PRKCE: variants seen among roughly 807,000 people sequenced by gnomAD.
The protein encoded by PRKCE is protein kinase C epsilon.
In PRKCE, 16 loss-of-function variants were observed where a neutral mutation model predicts 85.4. The observed-to-expected ratio is 0.19, with a 90% CI of 0.13 to 0.28. PRKCE has a LOEUF of 0.28. PRKCE is among the 10% of genes least tolerant of loss of function. PRKCE has a pLI of 1.00. For synonymous variants in PRKCE, 388 were observed against 371.5 expected (o/e 1.04, Z -0.51); for missense variants, 573 against 975.2 (o/e 0.59, Z 5.49).
At position 45,786,677 on chromosome 2, in the gene PRKCE, T is replaced by C. The variant is rs898103173; in HGVS notation, c.349-56323T>C. On this transcript the variant is annotated intron_variant, in intron 1 of 14. Coordinates refer to ENST00000306156, the MANE Select transcript of PRKCE (RefSeq NM_005400.3). This position sits in a 1 kb window ranked among gnomAD's most constrained non-coding sequence, Gnocchi z 5.3. ...GTGAGGGGGCAAGGGTTTAAGTTTATTATCAAGGAACAGCAGCAAACCTTA... is the reference window on the plus strand; with the variant it reads ...GTGAGGGGGCAAGGGTTTAAGTTTACTATCAAGGAACAGCAGCAAACCTTA... Among the ~76,000 whole-genome samples, 2 of 152,120 alleles carry C rather than the reference T, an allele frequency of 1.3e-5. No individual in the cohort carries two copies. Among genetic ancestry groups the C allele is most frequent in the African/African-American group, 4.8e-5 (2 of 41,420 alleles).
intron 1 of PRKCE, among the ~76,000 whole-genome samples, chr2:45,748,419 G>C (rs1477882959): frequency 2.0e-5 from 3 of 152,226 alleles, no homozygotes; most frequent in African/African-American, 4.8e-5. Context: ...GCGCAAGCAA[G>C]CTTCACACAT....
At chr2:45,777,457 A>G (rs781242859) in intron 1 of PRKCE, among the ~76,000 whole-genome samples, 11 of 151,970 alleles carry the variant, frequency 7.2e-5, no homozygotes, top group Non-Finnish European at 1.3e-4. Context: ...AGTATTGCCA[A>G]TGAAGGCAGT....
rs113125449 is a variant in PRKCE at position 45,679,876 on chromosome 2, C to T, written c.348+27428C>T. On this transcript the variant is annotated intron_variant, in intron 1 of 14. Transcript: ENST00000306156. ...CGGGCCTGCCCAAAGGACCATGCAA[C>T]ATGAAGGTGAAGTCCTTGTAGAGCA... 6.3e-3 allele frequency among the ~76,000 whole-genome samples: 959 copies of T among 152,290 alleles called. 5 individuals are homozygous for T. Among genetic ancestry groups the T allele is most frequent in the African/African-American group, 0.021 (889 of 41,560 alleles).
chr2:45,781,639 G>A (rs535243291), intron 1 of PRKCE, among the ~76,000 whole-genome samples: 5 of 151,962 alleles, frequency 3.3e-5, no homozygotes, highest in African/African-American at 7.3e-5. Flanking sequence ...CTCCACCCGC[G>A]CCCGCCCCCC....
intron 6 of PRKCE, among the ~76,000 whole-genome samples, chr2:45,993,682 C>T (rs1703992591): frequency 6.6e-6 from 1 of 152,102 alleles, no homozygotes; most frequent in Admixed American, 6.5e-5. Context: ...TCCGTCACTT[C>T]ACAGAGAGGC....
intron 3 of PRKCE, among the ~76,000 whole-genome samples, chr2:45,977,877 G>A (rs1339621908): frequency 6.6e-6 from 1 of 152,162 alleles, no homozygotes; most frequent in Middle Eastern, 3.2e-3. Context: ...TGAAGCTGAT[G>A]TAGAGGTTGC....
At chr2:45,964,245 T>A (rs1296346700) in intron 2 of PRKCE, among the ~76,000 whole-genome samples, 2 of 152,198 alleles carry the variant, frequency 1.3e-5, no homozygotes, top group African/African-American at 4.8e-5. Context: ...CTACTAAGAC[T>A]TTTAATCCTG....
At position 46,094,415 on chromosome 2, in the gene PRKCE, G is replaced by A. The variant is rs116734927; in HGVS notation, c.1592+8053G>A. On this transcript the variant is annotated intron_variant, in intron 11 of 14. Coordinates refer to ENST00000306156, the MANE Select transcript of PRKCE (RefSeq NM_005400.3). ...ATTTTACTCTCAGACTTGATAAAGA[G>A]TTTGACTGGGCATAGAATTTTAGAT... 8.2e-3 allele frequency among the ~76,000 whole-genome samples: 1,248 copies of A among 152,250 alleles called. 18 individuals are homozygous for A. The highest frequency in any genetic ancestry group is 0.028 in the African/African-American group (1,149 of 41,524).
At chr2:45,827,413 T>C (rs549118785) in intron 1 of PRKCE, among the ~76,000 whole-genome samples, 1 of 152,334 alleles carries the variant, frequency 6.6e-6, no homozygotes, top group South Asian at 2.1e-4. Flanking sequence ...TCAGGAAATA[T>C]CTTCCCTTGT....
intron 2 of PRKCE, among the ~76,000 whole-genome samples, chr2:45,964,142 G>C (rs954060946): frequency 2.6e-5 from 4 of 152,194 alleles, no homozygotes; most frequent in Non-Finnish European, 5.9e-5. Flanking sequence ...TAAAAGGCTT[G>C]TTATTTGTTC....
intron 2 of PRKCE, among the ~76,000 whole-genome samples, chr2:45,919,108 G>T (rs745604552): frequency 6.6e-6 from 1 of 152,192 alleles, no homozygotes; most frequent in African/African-American, 2.4e-5. Context: ...GAAACAGCTG[G>T]TTCCACTTGA....
At chr2:45,751,642 A>G (rs573017492) in intron 1 of PRKCE, among the ~76,000 whole-genome samples, 2 of 152,218 alleles carry the variant, frequency 1.3e-5, no homozygotes, top group South Asian at 4.2e-4. Flanking sequence ...TGCAGACAGA[A>G]TATGATTAAT....
At chr2:45,696,280 A>G (rs1678144959) in intron 1 of PRKCE, among the ~76,000 whole-genome samples, 1 of 152,112 alleles carries the variant, frequency 6.6e-6, no homozygotes, top group African/African-American at 2.4e-5. Context: ...AAATTATAAA[A>G]AAAGGCTTTA....
intron 2 of PRKCE, among the ~76,000 whole-genome samples, chr2:45,881,243 G>T (rs973730720): frequency 4.6e-5 from 7 of 151,962 alleles, no homozygotes; most frequent in African/African-American, 1.7e-4. Context: ...CTGCTCTGTA[G>T]TATCTGTCTG....
At chr2:45,887,118 C>G (rs1381776017) in intron 2 of PRKCE, among the ~76,000 whole-genome samples, 3 of 152,180 alleles carry the variant, frequency 2.0e-5, no homozygotes, top group African/African-American at 7.2e-5. Context: ...AACAGAGTTG[C>G]TCCTCCAGAA....
At chr2:45,865,548 G>A (rs1693523091) in intron 2 of PRKCE, among the ~76,000 whole-genome samples, 1 of 152,206 alleles carries the variant, frequency 6.6e-6, no homozygotes, top group East Asian at 1.9e-4. Context: ...GCATGTGATA[G>A]TATTAAGCGC....
intron 11 of PRKCE, among the ~76,000 whole-genome samples, chr2:46,097,715 A>G (rs936676809): frequency 9.2e-5 from 14 of 152,156 alleles, no homozygotes; most frequent in African/African-American, 3.4e-4. Context: ...CCCATGTCAT[A>G]TAGATGAAGA....
chr2:45,730,326 A>C (rs545611398), intron 1 of PRKCE, among the ~76,000 whole-genome samples: 1 of 151,412 alleles, frequency 6.6e-6, no homozygotes, highest in South Asian at 2.1e-4. Context: ...CTAATTTTTT[A>C]TTTTTTATTT....
intron 2 of PRKCE, among the ~76,000 whole-genome samples, chr2:45,925,039 G>A (rs1038628678): frequency 1.1e-4 from 16 of 152,176 alleles, no homozygotes; most frequent in African/African-American, 3.9e-4. Flanking sequence ...GGTACCCTGG[G>A]CTGGGCAGGG....
Sources: allele counts gnomAD v4.1 joint callset (sites outside exome capture counted in the v4.1 genomes callset), GRCh38; gene constraint gnomAD v4.1.1; non-coding constraint Gnocchi (gnomAD v3.1); transcripts MANE v1.5; gene names NCBI Gene and HGNC (gene_info 2026-07-23, HGNC 2026-07-21).